R3HDM1: variants seen among roughly 807,000 people sequenced by gnomAD.
R3HDM1 encodes R3H domain containing 1.
In R3HDM1, 46 loss-of-function variants were observed where a neutral mutation model predicts 141.1. That is an observed-to-expected ratio of 0.33 (90% confidence interval 0.26 to 0.42). The LOEUF is 0.42. R3HDM1 is among the 10% of genes least tolerant of loss of function. The probability of loss-of-function intolerance (pLI) is 1.00; values close to 1 mark genes in which losing one functional copy is unlikely to be tolerated. For synonymous variants in R3HDM1, 435 were observed against 472.9 expected, an observed-to-expected ratio of 0.92 and a Z score of 1.04; for missense variants, 1,184 against 1,368.3, an observed-to-expected ratio of 0.87 and a Z score of 2.12.
intron 19 of R3HDM1, among the ~76,000 whole-genome samples, chr2:135,663,814 G>A (rs568235101): frequency 4.5e-4 from 69 of 152,192 alleles, no homozygotes; most frequent in African/African-American, 1.7e-3. Flanking sequence ...ATCACCTGAG[G>A]TCAGGAATTT....
chr2:135,586,586 A>G (rs112887600), intron 1 of R3HDM1: 1 of 506,132 alleles, frequency 2.0e-6, no homozygotes, highest in African/African-American at 2.1e-5. Flanking sequence ...TTAGTACCAT[A>G]ATTTTTGTTA....
At chr2:135,698,110 A>T (rs2073549018) in intron 21 of R3HDM1, among the ~76,000 whole-genome samples, 1 of 146,794 alleles carries the variant, frequency 6.8e-6, no homozygotes, top group Admixed American at 6.8e-5. Flanking sequence ...GGGGGTTTTG[A>T]TGTTAGAGGT....
Position 135,634,904 on chromosome 2 carries a change from T to C in R3HDM1, c.699-986T>C, listed in dbSNP as rs79899316. ...GATAGTCACAGGAGTATTGATTCAA[T>C]TAATTTGTTGAAGCTGAGAATGTAT... On this transcript the variant is annotated intron_variant, in intron 9 of 26. Transcript: ENST00000683871. Among the ~76,000 whole-genome samples the C allele has an allele frequency of 0.011, 1,617 of 152,336 alleles. 100 individuals carry two copies. The East Asian group carries it at 0.19, about 18-fold the overall frequency.
intron 19 of R3HDM1, among the ~76,000 whole-genome samples, chr2:135,663,330 G>A (rs1184228718): frequency 3.3e-5 from 5 of 152,084 alleles, no homozygotes; most frequent in Non-Finnish European, 7.4e-5. Context: ...AGTGCTACAG[G>A]CACAAAAAAG....
At chr2:135,715,078 G>A (rs181798658) in intron 23 of R3HDM1, among the ~76,000 whole-genome samples, 14 of 152,308 alleles carry the variant, frequency 9.2e-5, no homozygotes, top group Admixed American at 5.9e-4. Context: ...GGCCAGGTGC[G>A]ATGGCTCACG....
At chr2:135,611,248 C>T (rs2105138845) in intron 3 of R3HDM1, among the ~76,000 whole-genome samples, 1 of 149,814 alleles carries the variant, frequency 6.7e-6, no homozygotes, top group African/African-American at 2.4e-5. Flanking sequence ...ATGGCAAATC[C>T]CCATCTCTAC....
At chr2:135,645,294 G>A (rs2064273034) in intron 15 of R3HDM1, 85 bp from the exon 16 acceptor site, 5 of 1,180,112 alleles carry the variant, frequency 4.2e-6, no homozygotes, top group Admixed American at 2.4e-5. Context: ...AAGGATTTTG[G>A]ACATGCTTTG....
intron 1 of R3HDM1, among the ~76,000 whole-genome samples, chr2:135,557,439 A>C (rs891847743): frequency 6.6e-6 from 1 of 152,236 alleles, no homozygotes; most frequent in African/African-American, 2.4e-5. Context: ...AACAGGAGTC[A>C]GAGAATTTAC....
chr2:135,678,715 G>GTCATCATCA (rs916564275), intron 20 of R3HDM1, among the ~76,000 whole-genome samples: 1 of 149,062 alleles, frequency 6.7e-6, no homozygotes, highest in Non-Finnish European at 1.5e-5. Flanking sequence ...TATTATTAAC[G>GTCATCATCA]TCATCATCAT....
chr2:135,617,757 G>A (rs896373874), intron 5 of R3HDM1, among the ~76,000 whole-genome samples: 1 of 152,058 alleles, frequency 6.6e-6, no homozygotes, highest in Admixed American at 6.6e-5. Context: ...TTGCCTAGTG[G>A]CTAGTTGTAC....
At chr2:135,709,923 G>C (rs939753773) in intron 22 of R3HDM1, 136 bp from the exon 23 acceptor site, 5 of 875,234 alleles carry the variant, frequency 5.7e-6, no homozygotes, top group Admixed American at 2.8e-5. Flanking sequence ...ATGCACTAGG[G>C]CTTCAACCTG....
At chr2:135,625,182 A>G (rs896312430) in intron 7 of R3HDM1, among the ~76,000 whole-genome samples, 5 of 152,190 alleles carry the variant, frequency 3.3e-5, no homozygotes, top group African/African-American at 1.2e-4. Context: ...CTGCACAATG[A>G]TTCATGCCGG....
In R3HDM1 at chr2:135,572,357, G is replaced by A. The variant is rs532737227; in HGVS notation, c.-249-30143G>A. Among the ~76,000 whole-genome samples the A allele has an allele frequency of 2.2e-4, 34 of 152,282 alleles. No homozygotes were observed. In the South Asian group the frequency reaches 5.8e-3, roughly 26 times the overall value. On this transcript the variant is annotated intron_variant, in intron 1 of 26. Coordinates refer to ENST00000683871, the MANE Select transcript of R3HDM1 (RefSeq NM_001378107.1). ...AGACACATAACCCAATTTAAAAGGG[G>A]CAAATGATCTGAATAGATATTTTTC... is the stretch of plus-strand genomic sequence containing the variant.
chr2:135,615,830 T>C (rs2060974876), intron 3 of R3HDM1, among the ~76,000 whole-genome samples: 1 of 152,232 alleles, frequency 6.6e-6, no homozygotes, highest in Admixed American at 6.5e-5. Flanking sequence ...AATAATGAAG[T>C]ATATTTTATT....
chr2:135,621,828 GA>G (rs1360076119), intron 6 of R3HDM1: 1 of 982,488 alleles, frequency 1.0e-6, no homozygotes, highest in African/African-American at 1.8e-5. Context: ...AACAGACGTT[GA>G]GGACATCTTA....
At chr2:135,641,895 T>C in intron 15 of R3HDM1, 105 bp downstream of exon 15, 2 of 1,282,668 alleles carry the variant, frequency 1.6e-6, no homozygotes, top group Non-Finnish European at 2.1e-6. Context: ...TATTCATGAA[T>C]AATTAACATT....
At chr2:135,709,297 T>A in intron 21 of R3HDM1, 136 bp from the exon 22 acceptor site, 2 of 1,143,244 alleles carry the variant, frequency 1.7e-6, no homozygotes, top group Non-Finnish European at 1.2e-6. Context: ...ATGTTCTCGA[T>A]CTCCTGACCT....
chr2:135,552,449 G>C (rs1700009278), intron 1 of R3HDM1, among the ~76,000 whole-genome samples: 1 of 152,092 alleles, frequency 6.6e-6, no homozygotes, highest in Non-Finnish European at 1.5e-5. Context: ...ACCCGCCTCA[G>C]CCTCCCAAAG....
chr2:135,590,780 G>A (rs1709078821), intron 1 of R3HDM1: 5 of 954,256 alleles, frequency 5.2e-6, no homozygotes, highest in Non-Finnish European at 1.2e-6. Flanking sequence ...TCCTTTTATA[G>A]AGTATGAAGG....
Sources: allele counts gnomAD v4.1 joint callset (sites outside exome capture counted in the v4.1 genomes callset), GRCh38; gene constraint gnomAD v4.1.1; transcripts MANE v1.5; gene names NCBI Gene and HGNC (gene_info 2026-07-23, HGNC 2026-07-21).